MED24: variants seen among roughly 807,000 people sequenced by gnomAD.
The protein encoded by MED24 is mediator of RNA polymerase II transcription subunit 24.
In MED24, 74 loss-of-function variants were observed where a neutral mutation model predicts 118.8. That is an observed-to-expected ratio of 0.62 (90% CI 0.52 to 0.76). The LOEUF is 0.76. MED24 is among the 30% of genes least tolerant of loss of function. The probability of loss-of-function intolerance (pLI) is 0.00; values close to 1 mark genes in which losing one functional copy is unlikely to be tolerated. For synonymous variants in MED24, 521 were observed against 523.9 expected, an observed-to-expected ratio of 0.99 and a Z score of 0.08; for missense variants, 1,041 against 1,278.9, an observed-to-expected ratio of 0.81 and a Z score of 2.84.
At position 40,052,783 on chromosome 17, in the gene MED24, AATGTAAT is replaced by A. The variant is rs554830978; in HGVS notation, c.213+508_213+514del. Among the ~76,000 whole-genome samples the A allele has an allele frequency of 4.3e-3, 662 of 152,214 alleles. 7 individuals are homozygous for A. Among genetic ancestry groups the A allele is most frequent in the Non-Finnish European group, 7.4e-3 (500 of 68,014 alleles). On this transcript the variant is annotated intron_variant, in intron 3 of 25. Coordinates refer to ENST00000394128, the MANE Select transcript of MED24 (RefSeq NM_014815.4). Reference sequence around the variant, plus strand: ...GCTACCACTCCCAGCAGAATAAGTGAATGTAATATTCATCACAACAAATGAAGTATTA... The same window carrying A: ...GCTACCACTCCCAGCAGAATAAGTGAATTCATCACAACAAATGAAGTATTA...
In MED24 at chr17:40,023,155, G is replaced by A. The variant is rs1292613954; in HGVS notation, c.2226C>T (p.Tyr742=). The A allele has an allele frequency of 2.5e-6, 4 of 1,613,976 alleles. No individual in the cohort carries two copies. The South Asian group carries it at 4.4e-5, about 18-fold the overall frequency. The change falls in exon 20 of 26, where the codon TAC becomes TAT. Residue 742 remains tyrosine, a synonymous_variant. Coordinates refer to ENST00000394128, the MANE Select transcript of MED24 (RefSeq NM_014815.4). ...CCTTAATCAGGTTGTTGCAGAACCA[G>A]TAGACGCCGCCCATGTGCAGCAGGG... The part of the protein sequence containing the change: ...FDTLLHMGGV[Y]WFCNNLIKEL...
rs759572780 is a variant in MED24, at chr17:40,031,200, C to G, written c.1113G>C (p.Gly371=). 3 of 1,573,618 alleles carry G rather than the reference C, an allele frequency of 1.9e-6. 1 individual carries two copies. In the South Asian group the frequency reaches 3.5e-5, roughly 18 times the overall value. Residue 371 remains glycine, a synonymous_variant, in exon 12 of 26, where the codon GGG becomes GGC. Coordinates refer to ENST00000394128, the MANE Select transcript of MED24 (RefSeq NM_014815.4). ...TGTTGACGCTGGCCTCAGACAGAAGCCCCTGCTTGCCACATTCTTGGAGCA... is the reference window on the plus strand; with the variant it reads ...TGTTGACGCTGGCCTCAGACAGAAGGCCCTGCTTGCCACATTCTTGGAGCA... ...NFLLQECGKQ[G]LLSEASVNNL...
chr17:40,042,754 A>G (rs1984690351), intron 3 of MED24, among the ~76,000 whole-genome samples: 1 of 152,200 alleles, frequency 6.6e-6, no homozygotes, highest in Non-Finnish European at 1.5e-5. Context: ...AGAGAATTTA[A>G]AATTTAAGAT....
intron 3 of MED24, among the ~76,000 whole-genome samples, chr17:40,046,152 T>C (rs2144977481): frequency 6.7e-6 from 1 of 148,238 alleles, no homozygotes; most frequent in Non-Finnish European, 1.5e-5. Context: ...TGGCGCGATC[T>C]CTGCTCACTG....
chr17:40,045,322 G>C (rs1985043023), intron 3 of MED24, among the ~76,000 whole-genome samples: 1 of 151,964 alleles, frequency 6.6e-6, no homozygotes, highest in Non-Finnish European at 1.5e-5. Context: ...GGTGGTACAT[G>C]CCTGTAATCC....
intron 22 of MED24, 145 bp from the exon 23 acceptor site, chr17:40,022,199 T>C: frequency 2.2e-6 from 2 of 890,804 alleles, no homozygotes; most frequent in Non-Finnish European, 1.7e-6. Context: ...TCCCACAATC[T>C]GACAGGCCCC....
At position 40,033,954 on chromosome 17, in the gene MED24, T is replaced by A. The variant is rs1983670360; in HGVS notation, c.560-498A>T. On this transcript the variant is annotated intron_variant, in intron 6 of 25. Coordinates refer to ENST00000394128, the MANE Select transcript of MED24 (RefSeq NM_014815.4). The surrounding 1 kb of genome is among the most constrained non-coding windows in gnomAD (Gnocchi z 5.2). ...CCCCTGCTGAAGGCCTCTTACACAC[T>A]CTCTCTCAAACTCCCACCATGCTCT... 6.6e-6 allele frequency among the ~76,000 whole-genome samples: 1 copy of A among 151,876 alleles called. No individual in the cohort carries two copies. Among genetic ancestry groups the A allele is most frequent in the African/African-American group, 2.4e-5 (1 of 41,314 alleles).
chr17:40,045,336 C>A (rs1476579399), intron 3 of MED24, among the ~76,000 whole-genome samples: 2 of 151,970 alleles, frequency 1.3e-5, no homozygotes, highest in African/African-American at 4.8e-5. Context: ...GTAATCCCAG[C>A]TACTTGGGAG....
intron 19 of MED24, 95 bp from the exon 20 acceptor site, chr17:40,023,490 AG>A (rs1982284397): frequency 1.5e-6 from 2 of 1,291,250 alleles, no homozygotes; most frequent in Non-Finnish European, 1.1e-6. Flanking sequence ...CCTTGGACTT[AG>A]GTTACGGAAA....
At chr17:40,047,153 C>T (rs1452035829) in intron 3 of MED24, among the ~76,000 whole-genome samples, 2 of 152,036 alleles carry the variant, frequency 1.3e-5, no homozygotes, top group Non-Finnish European at 2.9e-5. Flanking sequence ...TTAACATATA[C>T]AACATAAATA....
At chr17:40,022,978 A>C in intron 20 of MED24, 152 bp from the exon 21 acceptor site, 1 of 1,346,964 alleles carries the variant, frequency 7.4e-7, no homozygotes, top group Non-Finnish European at 1.0e-6. Flanking sequence ...GTCTCTGGCC[A>C]GAGCTCCCCA....
At chr17:40,031,515 G>A (rs781168731) in intron 11 of MED24, 23 bp downstream of exon 11, 12 of 1,606,646 alleles carry the variant, frequency 7.5e-6, no homozygotes, top group Admixed American at 3.3e-5. Context: ...CAGTAGGGCG[G>A]GGGTGACCAG....
At chr17:40,024,933 A>G (rs1461285600) in intron 19 of MED24, among the ~76,000 whole-genome samples, 2 of 152,038 alleles carry the variant, frequency 1.3e-5, no homozygotes, top group Non-Finnish European at 2.9e-5. Context: ...CCAAGGTTTC[A>G]CCATGTTGGT....
At chr17:40,027,525 G>C (rs960462126) in intron 15 of MED24, 60 bp from the exon 16 acceptor site, 2 of 1,513,470 alleles carry the variant, frequency 1.3e-6, no homozygotes, top group African/African-American at 2.8e-5. Flanking sequence ...CCGTGTCTGG[G>C]TTGACAGGGA....
rs1598363986 is a variant in MED24 at position 40,043,772 on chromosome 17, T to C, written c.214-7618A>G. On this transcript the variant is annotated intron_variant, in intron 3 of 25. Transcript: ENST00000394128. ...CAGGCGCAGTGGCGGGCGCCTGTAA[T>C]CCCAGCTACTCAGGAGGCTGAGGCA... Among the ~76,000 whole-genome samples, 7 of 151,034 alleles carry C rather than the reference T, an allele frequency of 4.6e-5. 1 individual carries two copies. In the East Asian group the frequency reaches 9.8e-4, roughly 21 times the overall value.
In MED24 at chr17:40,022,833, C is replaced by T. The variant is rs186912607; in HGVS notation, c.2251-7G>A. On this transcript the variant is annotated splice_polypyrimidine_tract_variant and splice_region_variant and intron_variant, in intron 20 of 25. Coordinates refer to ENST00000394128, the MANE Select transcript of MED24 (RefSeq NM_014815.4). ...GCGTCTCCTTCAGCAGCTCCTAGTG[C>T]GCAGGAAAGGGGGCAGTTCAGGAGC... 95 of 1,612,366 alleles carry T rather than the reference C, an allele frequency of 5.9e-5. No individual in the cohort carries two copies. The East Asian group carries it at 1.6e-3, about 28-fold the overall frequency.
chr17:40,035,724 C>CA lies in MED24; in HGVS notation c.323dup (p.Ser109GlufsTer18). 1.9e-6 allele frequency: 3 copies of CA among 1,613,916 alleles called. No homozygotes were observed. The highest frequency in any genetic ancestry group is 2.5e-6 in the Non-Finnish European group (3 of 1,179,840). On this transcript the variant is annotated frameshift_variant, in exon 5 of 26. Transcript: ENST00000394128. LOFTEE classifies it high-confidence loss of function. ...AGCCCCCTTACCCCTGCCCTTACCT[C>CA]AGACGGTCACAAAACATGTCCATGA...
chr17:40,029,883 A>C lies in MED24; in HGVS notation c.1155-24T>G, dbSNP rs1983161014. On this transcript the variant is annotated intron_variant, in intron 12 of 25. Coordinates refer to ENST00000394128, the MANE Select transcript of MED24 (RefSeq NM_014815.4). ...TGCTGTGGACATCACCAGTTGGCCA[A>C]GGAAGGGAAGAGGAATGAAGAGAAA... 3 of 1,604,428 alleles carry C rather than the reference A, an allele frequency of 1.9e-6. No individual in the cohort carries two copies. The East Asian group carries it at 6.7e-5, about 36-fold the overall frequency.
rs1285069546 is a variant in MED24 at position 40,028,940 on chromosome 17, G to A, written c.1295C>T (p.Pro432Leu). 3.7e-6 allele frequency: 6 copies of A among 1,614,018 alleles called. No homozygotes were observed. The highest frequency in any genetic ancestry group is 1.3e-5 in the African/African-American group (1 of 74,912). ...KTMDADHSKSPEGLLGVLGHM... is the reference protein window; with the variant it reads ...KTMDADHSKSLEGLLGVLGHM... Reference sequence around the variant, plus strand: ...GCCCAGGACTCCCAGCAGTCCCTCCGGTGACTTAGAGTGGTCTGCATCCAT... The same window carrying A: ...GCCCAGGACTCCCAGCAGTCCCTCCAGTGACTTAGAGTGGTCTGCATCCAT... The change falls in exon 14 of 26, where the codon CCG becomes CTG. Residue 432 changes from proline (P) to leucine (L), a missense_variant. By Grantham distance (98) the Pro-to-Leu change is moderately conservative. Coordinates refer to ENST00000394128, the MANE Select transcript of MED24 (RefSeq NM_014815.4).
Sources: gnomAD v4.1 joint callset for allele counts (sites outside exome capture counted in the v4.1 genomes callset) on GRCh38, gnomAD v4.1.1 for gene constraint, Gnocchi (gnomAD v3.1) non-coding constraint, MANE v1.5 for transcripts, NCBI Gene and HGNC (gene_info 2026-07-23, HGNC 2026-07-21) for gene names.